The following TXNRD2 variants were observed in gnomAD, a reference collection of about 807,000 sequenced individuals.
TXNRD2 encodes thioredoxin reductase 2, mitochondrial.
Under a neutral mutation model 70.8 loss-of-function variants are expected in TXNRD2, and 67 were observed. That is an observed-to-expected ratio of 0.95 (90% CI 0.78 to 1.16). TXNRD2 has a LOEUF of 1.16. Ranked by LOEUF, TXNRD2 falls within the 50% of genes most tolerant of loss-of-function variation. The probability of loss-of-function intolerance (pLI) is 0.00; values close to 1 mark genes in which losing one functional copy is unlikely to be tolerated. For synonymous variants in TXNRD2, 301 were observed against 295.8 expected, an observed-to-expected ratio of 1.02 and a Z score of -0.18; for missense variants, 644 against 719.9, an observed-to-expected ratio of 0.89 and a Z score of 1.21.
intron 14 of TXNRD2, among the ~76,000 whole-genome samples, chr22:19,879,528 T>G: frequency 2.8e-5 from 2 of 71,812 alleles, no homozygotes; most frequent in South Asian, 5.3e-4. Context: ...TGGAAGAGGA[T>G]GGGTATCAGG....
intron 12 of TXNRD2, among the ~76,000 whole-genome samples, chr22:19,882,803 C>T (rs142777785): frequency 6.6e-6 from 1 of 152,248 alleles, no homozygotes; most frequent in African/African-American, 2.4e-5. Context: ...CCAGGAAAGA[C>T]TGGCACCGGT....
chr22:19,895,039 T>C, intron 11 of TXNRD2: 1 of 1,564,118 alleles, frequency 6.4e-7, no homozygotes. Flanking sequence ...AGGATTTATG[T>C]GCTGAAACCT....
intron 8 of TXNRD2, among the ~76,000 whole-genome samples, chr22:19,903,319 T>A (rs751043497): frequency 3.9e-5 from 6 of 152,254 alleles, no homozygotes; most frequent in Non-Finnish European, 8.8e-5. Context: ...TGCGGTCTCA[T>A]TCACGCCCTC....
At chr22:19,894,806 G>A in intron 11 of TXNRD2, 1 of 364,470 alleles carries the variant, frequency 2.7e-6, no homozygotes, top group Non-Finnish European at 5.1e-6. Context: ...TGGCCTACAT[G>A]GTGAAACCCC....
chr22:19,888,500 G>A (rs1939125706), intron 11 of TXNRD2, among the ~76,000 whole-genome samples: 2 of 152,232 alleles, frequency 1.3e-5, no homozygotes, highest in Admixed American at 1.3e-4. Flanking sequence ...CGCCCGCCTG[G>A]GACACATTTT....
At position 19,898,121 on chromosome 22, in the gene TXNRD2, A is replaced by G. The variant is rs866667235; in HGVS notation, c.692T>C (p.Leu231Pro). 6.4e-7 allele frequency: 1 copy of G among 1,562,296 alleles called. No homozygotes were observed. Among genetic ancestry groups the G allele is most frequent in the Non-Finnish European group, 8.7e-7 (1 of 1,153,490 alleles). ...CCCGGTGAGGAAGCCAGCACACTCC[A>G]GGGCCACATCTGTGGGGTGCCAGCT... ...TLVVGASYVALECAGFLTGIG... is the reference protein window; with the variant it reads ...TLVVGASYVAPECAGFLTGIG... Residue 231 changes from leucine (L) to proline (P), a missense_variant, in exon 10 of 18, where the codon CTG becomes CCG. By Grantham distance (98) the Leu-to-Pro change is moderately conservative. Coordinates refer to ENST00000400521, the MANE Select transcript of TXNRD2 (RefSeq NM_006440.5).
At chr22:19,926,792 C>T (rs1455610050) in intron 2 of TXNRD2, among the ~76,000 whole-genome samples, 1 of 152,018 alleles carries the variant, frequency 6.6e-6, no homozygotes, top group South Asian at 2.1e-4. Flanking sequence ...AAACAAACAA[C>T]CAACCAACCA....
chr22:19,886,072 C>T (rs932452771), intron 11 of TXNRD2, among the ~76,000 whole-genome samples: 12 of 152,218 alleles, frequency 7.9e-5, no homozygotes, highest in Non-Finnish European at 1.3e-4. Context: ...GTGGGCTGCG[C>T]GGCACAGACA....
intron 7 of TXNRD2, among the ~76,000 whole-genome samples, chr22:19,913,738 C>T (rs756636930): frequency 3.3e-5 from 5 of 152,240 alleles, no homozygotes; most frequent in Admixed American, 2.0e-4. Context: ...TGAACCCTCA[C>T]CTCCAGCTGA....
intron 10 of TXNRD2, 87 bp from the exon 11 acceptor site, chr22:19,895,668 G>C: frequency 6.7e-7 from 1 of 1,488,876 alleles, no homozygotes; most frequent in Non-Finnish European, 9.2e-7. Context: ...AGGCCTCAAT[G>C]AAGGGCGGAG....
chr22:19,932,636 G>C lies in TXNRD2; in HGVS notation c.104-1538C>G, dbSNP rs142271265. On this transcript the variant is annotated intron_variant, in intron 1 of 17. Transcript: ENST00000400521. The stretch of plus-strand genomic sequence containing the variant: ...AAGTCATCAGTCTGCTGGGGTGAGG[G>C]CAGGGTGGGGACTGATGACAAGACT... 252 of 1,353,420 alleles carry C rather than the reference G, an allele frequency of 1.9e-4. No individual in the cohort carries two copies. The African/African-American group carries it at 3.4e-3, about 18-fold the overall frequency. The allele number at this position is 1,353,420 out of a possible 1,614,324, so 83.8% of individuals were successfully genotyped here.
chr22:19,934,405 C>T (rs1273189599), intron 1 of TXNRD2, among the ~76,000 whole-genome samples: 1 of 121,798 alleles, frequency 8.2e-6, no homozygotes, highest in Non-Finnish European at 1.9e-5. Context: ...AAAAAAACTG[C>T]ACCCCTAGTC....
chr22:19,913,236 C>T (rs1281124312), intron 7 of TXNRD2, among the ~76,000 whole-genome samples: 2 of 152,186 alleles, frequency 1.3e-5, no homozygotes, highest in African/African-American at 4.8e-5. Flanking sequence ...CTGGGAGATT[C>T]AGAATTATGG....
At position 19,925,209 on chromosome 22, in the gene TXNRD2, G is replaced by A. The variant is rs531452830; in HGVS notation, c.173-5610C>T. 3.9e-5 allele frequency among the ~76,000 whole-genome samples: 6 copies of A among 151,924 alleles called. No homozygotes were observed. The East Asian group carries it at 7.7e-4, about 20-fold the overall frequency. ...TGAGGCAGGAGAATGGCGCAAACCC[G>A]GGAGGCAGAGCTTGCAGTGAGCTGA... On this transcript the variant is annotated intron_variant, in intron 2 of 17. Coordinates refer to ENST00000400521, the MANE Select transcript of TXNRD2 (RefSeq NM_006440.5).
In TXNRD2 at chr22:19,880,168, C is replaced by G. The variant is rs753233898; in HGVS notation, c.1275+11G>C. 1.2e-6 allele frequency: 2 copies of G among 1,612,670 alleles called. No individual in the cohort carries two copies. Among genetic ancestry groups the G allele is most frequent in the South Asian group, 2.2e-5 (2 of 91,082 alleles). On this transcript the variant is annotated intron_variant, in intron 14 of 17. Transcript: ENST00000400521. ...GCCACTGTCCTCAGCTGTGCTGCTC[C>G]CAGGCCTCACCTCAACATGCTCCTG...
At chr22:19,919,705 T>A in intron 2 of TXNRD2, 106 bp from the exon 3 acceptor site, 4 of 995,248 alleles carry the variant, frequency 4.0e-6, no homozygotes, top group South Asian at 1.4e-5. Context: ...GGGCAGGGCC[T>A]GGGCCTGCGG....
At chr22:19,921,738 C>A (rs1419991161) in intron 2 of TXNRD2, among the ~76,000 whole-genome samples, 2 of 152,158 alleles carry the variant, frequency 1.3e-5, no homozygotes, top group African/African-American at 4.8e-5. Flanking sequence ...GAGGAGGGGG[C>A]TGCCCAGAGA....
intron 11 of TXNRD2, among the ~76,000 whole-genome samples, chr22:19,890,898 T>G (rs1420912868): frequency 6.6e-6 from 1 of 152,088 alleles, no homozygotes; most frequent in East Asian, 1.9e-4. Context: ...CAGCCCACCC[T>G]GGCAACAGCT....
At chr22:19,890,996 G>A (rs1267989776) in intron 11 of TXNRD2, among the ~76,000 whole-genome samples, 1 of 152,204 alleles carries the variant, frequency 6.6e-6, no homozygotes, top group African/African-American at 2.4e-5. Context: ...GCCACGTGGG[G>A]GAGACTATAC....
Sources: gnomAD v4.1 joint callset for allele counts (sites outside exome capture counted in the v4.1 genomes callset) on GRCh38, gnomAD v4.1.1 for gene constraint, MANE v1.5 for transcripts, NCBI Gene and HGNC (gene_info 2026-07-23, HGNC 2026-07-21) for gene names.